ZNF521: variants seen among roughly 807,000 people sequenced by gnomAD.
ZNF521 encodes the protein LYST-interacting protein 3.
ZNF521 carries 14 observed loss-of-function variants against 105.5 expected under a neutral mutation model. The observed-to-expected ratio is 0.13, with a 90% confidence interval of 0.09 to 0.21. ZNF521 has a LOEUF of 0.21. Ranked by LOEUF, ZNF521 falls within the 10% of genes least tolerant of loss-of-function variation. ZNF521 has a pLI of 1.00. For missense variants in ZNF521, 1,233 were observed against 1,629.7 expected, an observed-to-expected ratio of 0.76 and a Z score of 4.19; for synonymous variants, 635 against 606.0, an observed-to-expected ratio of 1.05 and a Z score of -0.70.
chr18:25,089,345 C>T (rs903666294), intron 7 of ZNF521, 120 bp downstream of exon 7: 11 of 743,426 alleles, frequency 1.5e-5, no homozygotes, highest in Non-Finnish European at 2.4e-5. Flanking sequence ...GCCCCCAATA[C>T]ACACAAAGCA....
intron 5 of ZNF521, among the ~76,000 whole-genome samples, chr18:25,105,182 G>A (rs1161240786): frequency 2.0e-5 from 3 of 152,130 alleles, no homozygotes; most frequent in African/African-American, 7.2e-5. Flanking sequence ...AGGGAACATC[G>A]AGAGGAAGGG....
chr18:25,287,581 CCTT>C (rs1030464902), intron 3 of ZNF521, among the ~76,000 whole-genome samples: 151 of 151,730 alleles, frequency 1.0e-3, no homozygotes, highest in Middle Eastern at 3.4e-3. Flanking sequence ...TGAAACCCCT[CCTT>C]AAGAAATTCA....
In ZNF521 at chr18:25,213,752, A is replaced by G. The variant is rs1424756061; in HGVS notation, c.3573+10593T>C. Among the ~76,000 whole-genome samples the G allele has an allele frequency of 3.3e-5, 5 of 152,112 alleles. No homozygotes were observed. The East Asian group carries it at 9.6e-4, about 29-fold the overall frequency. ...TCATTTTGAAAGCCACCTGAGCCTA[A>G]TATTTTCTTTGGAGGAAAGATTTTC... On this transcript the variant is annotated intron_variant, in intron 4 of 7. Coordinates refer to ENST00000361524, the MANE Select transcript of ZNF521 (RefSeq NM_015461.3).
At chr18:25,083,931 ATTTTTTTTTTTTTTTT>A (rs56364504) in intron 7 of ZNF521, among the ~76,000 whole-genome samples, 11 of 57,888 alleles carry the variant, frequency 1.9e-4, no homozygotes, top group African/African-American at 3.6e-4. Flanking sequence ...AACCTGGGTA[ATTTTTTTTTTTTTTTT>A]TTTTTTTTTT....
chr18:25,302,148 G>C (rs958604568), intron 3 of ZNF521: 4 of 151,650 alleles, frequency 2.6e-5, no homozygotes, highest in Non-Finnish European at 5.9e-5. Flanking sequence ...ACTTCTATAA[G>C]CTTTTTCATT....
chr18:25,125,796 T>TA (rs1285605176), intron 5 of ZNF521, among the ~76,000 whole-genome samples: 2 of 151,776 alleles, frequency 1.3e-5, no homozygotes, highest in African/African-American at 2.4e-5. Flanking sequence ...TTCCAAGAAA[T>TA]AAACTTGCTT....
At chr18:25,327,326 T>C (rs1249461642) in intron 2 of ZNF521, 1 of 599,662 alleles carries the variant, frequency 1.7e-6, no homozygotes, top group Admixed American at 5.7e-5. Context: ...AAATGATGCA[T>C]CTCAGGTTAA....
At chr18:25,323,898 T>A (rs1056605468) in intron 2 of ZNF521, among the ~76,000 whole-genome samples, 1 of 151,894 alleles carries the variant, frequency 6.6e-6, no homozygotes, top group African/African-American at 2.4e-5. Context: ...TATATCACCA[T>A]GTATCTGACA....
chr18:25,151,918 T>C (rs1308461304), intron 5 of ZNF521, among the ~76,000 whole-genome samples: 2 of 152,224 alleles, frequency 1.3e-5, no homozygotes, highest in African/African-American at 2.4e-5. Flanking sequence ...CAAAGTCCAG[T>C]CCTTTCTTAT....
intron 5 of ZNF521, among the ~76,000 whole-genome samples, chr18:25,138,154 G>T (rs2034772046): frequency 6.6e-6 from 1 of 152,030 alleles, no homozygotes; most frequent in Admixed American, 6.5e-5. Context: ...TCATACTCTG[G>T]TCCAGTTCCA....
intron 5 of ZNF521, among the ~76,000 whole-genome samples, chr18:25,094,874 C>CGTTACTA (rs2033821159): frequency 6.6e-6 from 1 of 152,104 alleles, no homozygotes; most frequent in Non-Finnish European, 1.5e-5. Context: ...ACAAAACATT[C>CGTTACTA]TAACAACTGG....
chr18:25,185,773 G>T (rs1250020094), intron 5 of ZNF521, among the ~76,000 whole-genome samples: 1 of 152,144 alleles, frequency 6.6e-6, no homozygotes, highest in Non-Finnish European at 1.5e-5. Flanking sequence ...CCTGAACGCA[G>T]CATGGTGCTA....
intron 2 of ZNF521, among the ~76,000 whole-genome samples, chr18:25,348,204 C>T (rs1914546838): frequency 6.6e-6 from 1 of 152,134 alleles, no homozygotes; most frequent in African/African-American, 2.4e-5. Flanking sequence ...GTCATAATAA[C>T]ACCTCTCTGG....
chr18:25,207,831 A>G (rs1418887635), intron 4 of ZNF521, among the ~76,000 whole-genome samples: 3 of 152,230 alleles, frequency 2.0e-5, no homozygotes, highest in East Asian at 3.8e-4. Flanking sequence ...AGTTCTGCAT[A>G]ATCATTACTG....
In ZNF521 at chr18:25,322,124, G is replaced by A. The variant is rs201036662; in HGVS notation, c.104C>T (p.Pro35Leu). The A allele has an allele frequency of 6.2e-5, 100 of 1,613,914 alleles. No homozygotes were observed. The highest frequency in any genetic ancestry group is 8.3e-5 in the Admixed American group (5 of 59,984). ...DGEALDCKKRPEDGEELEDEA... is the reference protein window; with the variant it reads ...DGEALDCKKRLEDGEELEDEA... The stretch of plus-strand genomic sequence containing the variant: ...GTCTTCCAACTCCTCCCCGTCTTCC[G>A]GCCTCTTCTTACAATCTAGTGCCTC... Residue 35 changes from proline to leucine, a missense_variant, in exon 3 of 8, where the codon CCG becomes CTG. Pro to Leu is a moderately conservative substitution (Grantham distance 98, BLOSUM62 -3). Transcript: ENST00000361524.
At chr18:25,100,427 T>C (rs1156812313) in intron 5 of ZNF521, among the ~76,000 whole-genome samples, 1 of 152,194 alleles carries the variant, frequency 6.6e-6, no homozygotes, top group Non-Finnish European at 1.5e-5. Context: ...TCTCTCCTTC[T>C]GATTCTGTTT....
chr18:25,162,764 A>C (rs2035272151), intron 5 of ZNF521, among the ~76,000 whole-genome samples: 1 of 152,240 alleles, frequency 6.6e-6, no homozygotes, highest in Non-Finnish European at 1.5e-5. Context: ...AATAAAGTAA[A>C]GGAAGTGATC....
In ZNF521 at chr18:25,067,017, G is replaced by C. The variant is rs573949141; in HGVS notation, c.3907-4276C>G. 4.7e-4 allele frequency among the ~76,000 whole-genome samples: 71 copies of C among 152,254 alleles called. 1 individual carries two copies. The highest frequency in any genetic ancestry group is 1.7e-3 in the African/African-American group (70 of 41,548). On this transcript the variant is annotated intron_variant, in intron 7 of 7. Transcript: ENST00000361524. ...ACATCAGTGCAACATTGGTGGAGGT[G>C]GGGGGTGAAGACAGAAAAGGAAGTA...
intron 3 of ZNF521, among the ~76,000 whole-genome samples, chr18:25,273,220 CA>C (rs67381140): frequency 0.012 from 503 of 40,810 alleles, 1 homozygote; most frequent in East Asian, 0.056. Context: ...ACCCTGTCTC[CA>C]AAAAAAAAAA....
Sources: allele counts gnomAD v4.1 joint callset (sites outside exome capture counted in the v4.1 genomes callset), GRCh38; gene constraint gnomAD v4.1.1; transcripts MANE v1.5; gene names NCBI Gene and HGNC (gene_info 2026-07-23, HGNC 2026-07-21).